Variants in ACACB observed in about 807,000 individuals in gnomAD.
ACACB encodes acetyl-CoA carboxylase 2.
Under a neutral mutation model 278.8 loss-of-function variants are expected in ACACB, and 209 were observed. The observed-to-expected ratio is 0.75, with a 90% CI of 0.67 to 0.84. ACACB has a LOEUF of 0.84. Ranked by LOEUF, ACACB falls within the 40% of genes least tolerant of loss-of-function variation. ACACB has a pLI of 0.00. For missense variants in ACACB, 2,850 were observed against 3,269.0 expected (o/e 0.87, Z 3.13); for synonymous variants, 1,174 against 1,285.6 (o/e 0.91, Z 1.86).
intron 2 of ACACB, among the ~76,000 whole-genome samples, chr12:109,156,079 G>A (rs1011341147): frequency 4.6e-5 from 7 of 152,134 alleles, no homozygotes; most frequent in African/African-American, 1.2e-4. Context: ...AATAATCCTC[G>A]CCAGGCAGGG....
At chr12:109,211,496 G>T (rs1484602934) in intron 21 of ACACB, among the ~76,000 whole-genome samples, 6 of 151,940 alleles carry the variant, frequency 3.9e-5, no homozygotes, top group African/African-American at 1.5e-4. Context: ...CAGGTGATCT[G>T]CCTGCCTCGG....
chr12:109,264,467 G>T (rs549626537), intron 50 of ACACB, 81 bp downstream of exon 50: 1 of 1,546,848 alleles, frequency 6.5e-7, no homozygotes, highest in East Asian at 2.3e-5. Context: ...GCTCGGGGGC[G>T]GGGAGGGCGG....
chr12:109,139,931 G>A lies in ACACB; in HGVS notation c.526G>A (p.Asp176Asn), dbSNP rs772298957. 19 of 1,613,982 alleles carry A rather than the reference G, an allele frequency of 1.2e-5. No individual in the cohort carries two copies. The highest frequency in any genetic ancestry group is 1.4e-5 in the Non-Finnish European group (17 of 1,180,024). ...ILGSFDDYSS[D>N]EDSVAGSSRE... ...GGGCTCTTTTGATGACTACTCCTCC[G>A]ACGAGGACTCTGTTGCTGGCTCATC... Residue 176 changes from aspartate (D) to asparagine (N), a missense_variant, in exon 2 of 53, where the codon GAC becomes AAC. Around this residue, in one of 3 missense-constraint regions of ACACB, gnomAD observed 2,265 missense variants for 2,561.3 expected, o/e 0.88. Transcript: ENST00000338432.
chr12:109,111,746 CTT>C (rs2042297771), upstream of ACACB, among the ~76,000 whole-genome samples: 3 of 151,984 alleles, frequency 2.0e-5, no homozygotes, highest in Admixed American at 2.0e-4. Context: ...AGTAGAGAAA[CTT>C]TTAACTAAAT....
intron 2 of ACACB, among the ~76,000 whole-genome samples, chr12:109,147,102 C>T (rs1004364127): frequency 6.6e-6 from 1 of 152,174 alleles, no homozygotes; most frequent in Non-Finnish European, 1.5e-5. Context: ...CCTCAAAGGG[C>T]CTTCCCTGTC....
At chr12:109,231,941 GCA>G (rs1335549983) in intron 28 of ACACB, among the ~76,000 whole-genome samples, 2 of 152,292 alleles carry the variant, frequency 1.3e-5, no homozygotes, top group East Asian at 3.9e-4. Context: ...AACAGTTGAG[GCA>G]CAGTGAGCCC....
intron 20 of ACACB, among the ~76,000 whole-genome samples, chr12:109,207,274 A>G (rs925619373): frequency 1.3e-5 from 2 of 152,142 alleles, no homozygotes; most frequent in African/African-American, 4.8e-5. Flanking sequence ...GTGTTTATGA[A>G]GGACCTGTCC....
intron 1 of ACACB, among the ~76,000 whole-genome samples, chr12:109,131,894 C>A (rs930188204): frequency 6.6e-6 from 1 of 152,076 alleles, no homozygotes; most frequent in Non-Finnish European, 1.5e-5. Context: ...CATTCTTGAC[C>A]ACGGCCCCCC....
At position 109,174,121 on chromosome 12, in the gene ACACB, C is replaced by G. The variant is rs73398025; in HGVS notation, c.1118-11C>G. On this transcript the variant is annotated splice_polypyrimidine_tract_variant and intron_variant, in intron 6 of 52. Transcript: ENST00000338432. Reference sequence around the variant, plus strand: ...CGGATTCTGCTTCCCTTCTTGTCCCCGATTCCTCAGGCCCTCCCAGTGAGG... The same window carrying G: ...CGGATTCTGCTTCCCTTCTTGTCCCGGATTCCTCAGGCCCTCCCAGTGAGG... The G allele has an allele frequency of 1.7e-3, 2,726 of 1,604,478 alleles. 52 individuals carry two copies. In the African/African-American group the frequency reaches 0.032, roughly 19 times the overall value.
chr12:109,238,221 G>A (rs1393869894), intron 34 of ACACB, among the ~76,000 whole-genome samples: 1 of 150,770 alleles, frequency 6.6e-6, no homozygotes, highest in Admixed American at 6.6e-5. Context: ...TAAGAGCTGA[G>A]AGTGGACAGA....
rs2046938698 is a variant in ACACB, at chr12:109,246,211, GACCCAGGAGT to G, written c.5339_5348del (p.Gln1780ArgfsTer6). On this transcript the variant is annotated frameshift_variant, in exon 39 of 53. Transcript: ENST00000338432. LOFTEE classifies it high-confidence loss of function. ...TGGTGGCCTTCAAAATGAGGTTTAAGACCCAGGAGTACCCGGAAGGACGGGATGTGATCGT... is the reference window on the plus strand; with the variant it reads ...TGGTGGCCTTCAAAATGAGGTTTAAGACCCGGAAGGACGGGATGTGATCGT... 1 of 1,613,834 alleles carries G rather than the reference GACCCAGGAGT, an allele frequency of 6.2e-7. No individual in the cohort carries two copies. The highest frequency in any genetic ancestry group is 8.5e-7 in the Non-Finnish European group (1 of 1,180,008).
At chr12:109,187,892 C>G (rs775133416) in intron 12 of ACACB, 107 bp from the exon 13 acceptor site, 27 of 1,291,238 alleles carry the variant, frequency 2.1e-5, no homozygotes, top group Non-Finnish European at 2.7e-5. Context: ...CTACCCTAAG[C>G]TTTTGGTCAG....
At chr12:109,196,518 T>C (rs1014259329) in intron 16 of ACACB, among the ~76,000 whole-genome samples, 2 of 152,140 alleles carry the variant, frequency 1.3e-5, no homozygotes, top group East Asian at 3.9e-4. Context: ...AGGGCACTAA[T>C]CTCTTTTACA....
Position 109,185,590 on chromosome 12 carries a change from C to T in ACACB, c.1830C>T (p.Gly610=), listed in dbSNP as rs200532294. 12 of 1,613,762 alleles carry T rather than the reference C, an allele frequency of 7.4e-6. No homozygotes were observed. Among genetic ancestry groups the T allele is most frequent in the Middle Eastern group, 1.7e-4 (1 of 6,060 alleles). ...TCTCTTGATTTTAGATCGCCATGGG[C>T]GTGCCACTGCACCGGCTGAAGGATA... ...LPAAQLQIAM[G]VPLHRLKDIR... The change falls in exon 12 of 53, where the codon GGC becomes GGT. Residue 610 remains glycine, a synonymous_variant. Transcript: ENST00000338432.
chr12:109,248,369 A>G (rs939052643), intron 40 of ACACB, among the ~76,000 whole-genome samples: 5 of 152,224 alleles, frequency 3.3e-5, no homozygotes, highest in African/African-American at 1.2e-4. Context: ...CATGATCATA[A>G]GGTGAAGTCC....
intron 2 of ACACB, among the ~76,000 whole-genome samples, chr12:109,146,009 GA>G (rs1159729246): frequency 6.6e-6 from 1 of 151,048 alleles, no homozygotes; most frequent in Non-Finnish European, 1.5e-5. Flanking sequence ...ACTCTGACTC[GA>G]AAAAAAAATT....
At chr12:109,140,914 T>TTTTTTA (rs2043107535) in intron 2 of ACACB, among the ~76,000 whole-genome samples, 1 of 145,882 alleles carries the variant, frequency 6.9e-6, no homozygotes. Context: ...TTTTTTTTTT[T>TTTTTTA]GAGACAGGGT....
In ACACB at chr12:109,120,452, C is replaced by G. The variant is rs559326458; in HGVS notation, c.-10+3748C>G. ...CCGTTTCATTCCATGCCTTCCTCAT[C>G]TCCTTGCAGGATCCTGGGAGGCAGG... is the stretch of plus-strand genomic sequence containing the variant. On this transcript the variant is annotated intron_variant, in intron 1 of 52. Coordinates refer to ENST00000338432, the MANE Select transcript of ACACB (RefSeq NM_001093.4). Among the ~76,000 whole-genome samples, 6 of 152,338 alleles carry G rather than the reference C, an allele frequency of 3.9e-5. No homozygotes were observed. In the South Asian group the frequency reaches 1.2e-3, roughly 32 times the overall value.
chr12:109,141,465 A>G (rs936427750), intron 2 of ACACB, among the ~76,000 whole-genome samples: 1 of 152,208 alleles, frequency 6.6e-6, no homozygotes, highest in Non-Finnish European at 1.5e-5. Flanking sequence ...AATTTGGGAA[A>G]TATAGGAGAA....
Sources: gnomAD v4.1 joint callset for allele counts (sites outside exome capture counted in the v4.1 genomes callset) on GRCh38, gnomAD v4.1.1 for gene constraint, gnomAD v4.1.1 regional missense constraint, MANE v1.5 for transcripts, NCBI Gene and HGNC (gene_info 2026-07-23, HGNC 2026-07-21) for gene names.